Variants in NCKAP5 observed in about 807,000 individuals in gnomAD.
NCKAP5 encodes the protein nck-associated protein 5.
NCKAP5 carries 92 observed loss-of-function variants against 167.0 expected under a neutral mutation model. The observed-to-expected ratio is 0.55, with a 90% CI of 0.47 to 0.66. NCKAP5 has a LOEUF of 0.66. NCKAP5 is among the 30% of genes least tolerant of loss of function. The pLI is 0.00. For synonymous variants in NCKAP5, 891 were observed against 877.4 expected (o/e 1.02, Z -0.27); for missense variants, 2,378 against 2,315.0 (o/e 1.03, Z -0.56).
chr2:133,518,584 G>C (rs994439613), intron 2 of NCKAP5, among the ~76,000 whole-genome samples: 11 of 152,032 alleles, frequency 7.2e-5, no homozygotes, highest in Middle Eastern at 3.4e-3. Context: ...TCGATCTCCT[G>C]AGCTCATGAT....
intron 3 of NCKAP5, among the ~76,000 whole-genome samples, chr2:133,414,355 T>G (rs1378789173): frequency 6.6e-6 from 1 of 152,192 alleles, no homozygotes; most frequent in East Asian, 1.9e-4. Flanking sequence ...TTAAAACATT[T>G]TCCACATTAG....
At chr2:132,950,609 G>T (rs922736148) in intron 8 of NCKAP5, among the ~76,000 whole-genome samples, 7 of 152,176 alleles carry the variant, frequency 4.6e-5, no homozygotes, top group African/African-American at 1.7e-4. Flanking sequence ...TTTCTTATTT[G>T]TCTTTCTCTC....
At chr2:133,513,764 G>A (rs998449601) in intron 3 of NCKAP5, among the ~76,000 whole-genome samples, 4 of 152,218 alleles carry the variant, frequency 2.6e-5, no homozygotes, top group Middle Eastern at 3.4e-3. Flanking sequence ...TTCCTTTTGT[G>A]GGGGAGAAGA....
At chr2:133,574,865 G>C in the NCKAP5 span, among the ~76,000 whole-genome samples, 1 of 152,156 alleles carries the variant, frequency 6.6e-6, no homozygotes, top group Non-Finnish European at 1.5e-5. Flanking sequence ...GCAGCCAGAG[G>C]AAAGTTGCCA....
chr2:133,443,045 C>T (rs1690956398), intron 3 of NCKAP5, among the ~76,000 whole-genome samples: 1 of 152,230 alleles, frequency 6.6e-6, no homozygotes. Flanking sequence ...CAAGATGTAG[C>T]ATTTCTTTTT....
intron 3 of NCKAP5, among the ~76,000 whole-genome samples, chr2:133,460,739 A>G (rs1692150528): frequency 6.6e-6 from 1 of 152,196 alleles, no homozygotes; most frequent in Non-Finnish European, 1.5e-5. Context: ...GAGAGCTAAG[A>G]AATTTAATCT....
chr2:133,395,585 A>C (rs931045642), intron 3 of NCKAP5, among the ~76,000 whole-genome samples: 1 of 152,210 alleles, frequency 6.6e-6, no homozygotes, highest in Non-Finnish European at 1.5e-5. Flanking sequence ...TCCTATGTTC[A>C]TCTAAATACC....
At chr2:133,465,307 T>C (rs1426454011) in intron 3 of NCKAP5, among the ~76,000 whole-genome samples, 1 of 151,986 alleles carries the variant, frequency 6.6e-6, no homozygotes, top group Admixed American at 6.5e-5. Flanking sequence ...TGATTTCCCA[T>C]TTTATCCATG....
intron 3 of NCKAP5, among the ~76,000 whole-genome samples, chr2:133,310,791 G>A (rs1681178781): frequency 6.6e-6 from 1 of 152,210 alleles, no homozygotes; most frequent in Non-Finnish European, 1.5e-5. Context: ...TTGTCTGGAT[G>A]TAACCAGGCT....
chr2:132,879,497 G>A, intron 8 of NCKAP5, among the ~76,000 whole-genome samples: 1 of 152,216 alleles, frequency 6.6e-6, no homozygotes, highest in East Asian at 1.9e-4. Context: ...AGCCATGTGG[G>A]TATGTGGTTG....
At chr2:133,638,857 C>CAA in the NCKAP5 span, among the ~76,000 whole-genome samples, 24 of 84,028 alleles carry the variant, frequency 2.9e-4, no homozygotes, top group Admixed American at 5.4e-4. Context: ...GACTCTATCT[C>CAA]AAAAAAAAAA....
rs200623455 is a variant in NCKAP5, at chr2:133,039,034, C to A, written c.342-44795G>T. Among the ~76,000 whole-genome samples the A allele has an allele frequency of 6.6e-5, 10 of 152,248 alleles. 1 individual carries two copies. The East Asian group carries it at 1.9e-3, about 29-fold the overall frequency. Reference sequence around the variant, plus strand: ...AATTTCAACAAATGAATTCAATGGGCAAGACAAGGATGTGGCCACCAACAC... The same window carrying A: ...AATTTCAACAAATGAATTCAATGGGAAAGACAAGGATGTGGCCACCAACAC... On this transcript the variant is annotated intron_variant, in intron 6 of 19. Transcript: ENST00000409261.
At chr2:132,779,771 A>C (rs1485203847) in intron 15 of NCKAP5, among the ~76,000 whole-genome samples, 2 of 152,188 alleles carry the variant, frequency 1.3e-5, no homozygotes, top group African/African-American at 4.8e-5. Context: ...CTAAACATCA[A>C]TAAGTATTTA....
chr2:133,467,057 G>A (rs574017078), intron 3 of NCKAP5, among the ~76,000 whole-genome samples: 1 of 152,074 alleles, frequency 6.6e-6, no homozygotes, highest in East Asian at 1.9e-4. Context: ...TTGAATAGGA[G>A]TGGTGAGAGA....
At chr2:133,663,449 A>G in the NCKAP5 span, among the ~76,000 whole-genome samples, 2 of 152,176 alleles carry the variant, frequency 1.3e-5, no homozygotes, top group African/African-American at 4.8e-5. Context: ...TTTGACATTG[A>G]CTGACTTTTC....
At chr2:132,895,164 T>C (rs1014847368) in intron 8 of NCKAP5, among the ~76,000 whole-genome samples, 10 of 151,596 alleles carry the variant, frequency 6.6e-5, no homozygotes, top group South Asian at 2.1e-4. Flanking sequence ...ACCCCGTCTC[T>C]ACTAAAAATA....
chr2:133,522,950 T>A (rs183752766), intron 2 of NCKAP5, among the ~76,000 whole-genome samples: 44 of 152,286 alleles, frequency 2.9e-4, no homozygotes, highest in South Asian at 8.3e-4. Flanking sequence ...AAGAAAACGG[T>A]CATGGAGTTG....
intron 3 of NCKAP5, among the ~76,000 whole-genome samples, chr2:133,419,494 A>G (rs557656208): frequency 6.6e-6 from 1 of 152,220 alleles, no homozygotes; most frequent in Non-Finnish European, 1.5e-5. Flanking sequence ...ATGTACCTAC[A>G]TGGAACATAA....
chr2:133,234,498 C>A (rs1245061484), intron 4 of NCKAP5, among the ~76,000 whole-genome samples: 1 of 152,170 alleles, frequency 6.6e-6, no homozygotes, highest in Non-Finnish European at 1.5e-5. Context: ...AACACTGATT[C>A]TCCATGAGGA....
Sources: gnomAD v4.1 joint callset for allele counts (sites outside exome capture counted in the v4.1 genomes callset) on GRCh38, gnomAD v4.1.1 for gene constraint, MANE v1.5 for transcripts, NCBI Gene and HGNC (gene_info 2026-07-23, HGNC 2026-07-21) for gene names.